The following LAMA2 variants were observed in gnomAD, a reference collection of about 807,000 sequenced individuals.
LAMA2 encodes the protein laminin subunit alpha 2, also known as laminin subunit alpha-2.
A neutral mutation model predicts 364.8 loss-of-function variants in LAMA2; 269 were observed. The observed-to-expected ratio is 0.74, with a 90% CI of 0.67 to 0.82. The LOEUF is 0.82. LAMA2 is among the 40% of genes least tolerant of loss of function. The pLI is 0.00. For missense variants in LAMA2, 3,807 were observed against 3,873.2 expected, an observed-to-expected ratio of 0.98 and a Z score of 0.45; for synonymous variants, 1,379 against 1,370.6, an observed-to-expected ratio of 1.01 and a Z score of -0.14.
intron 12 of LAMA2, among the ~76,000 whole-genome samples, chr6:129,241,598 G>A (rs1785397745): frequency 2.0e-5 from 3 of 152,092 alleles, no homozygotes; most frequent in African/African-American, 7.2e-5. Flanking sequence ...ACTTTCCCAA[G>A]GGCCTTGTAG....
intron 40 of LAMA2, among the ~76,000 whole-genome samples, chr6:129,406,865 C>T (rs1030211121): frequency 6.6e-6 from 1 of 152,120 alleles, no homozygotes; most frequent in African/African-American, 2.4e-5. Flanking sequence ...GCAGGGAAGC[C>T]AGCCCGAGTC....
intron 51 of LAMA2, among the ~76,000 whole-genome samples, chr6:129,469,647 C>T (rs1783712255): frequency 6.6e-6 from 1 of 151,786 alleles, no homozygotes; most frequent in Non-Finnish European, 1.5e-5. Flanking sequence ...TACCAAAATG[C>T]TCACATTACT....
chr6:129,345,653 T>C (rs1776503385), intron 30 of LAMA2, among the ~76,000 whole-genome samples: 1 of 152,226 alleles, frequency 6.6e-6, no homozygotes, highest in Admixed American at 6.5e-5. Flanking sequence ...TACACTTTTT[T>C]ATATCATAAG....
At position 129,503,166 on chromosome 6, in the gene LAMA2, T is replaced by G. The variant is rs777400727; in HGVS notation, c.8433T>G (p.Ala2811=). The change falls in exon 60 of 65, where the codon GCT becomes GCG. Residue 2811 remains alanine (A), a synonymous_variant. Transcript: ENST00000421865. ...LLFYMARINH[A]DFATVQLRNG... ...TTTACATGGCTCGCATCAATCATGC[T>G]GATTTTGCAACAGTTCAGCTGAGAA... The G allele has an allele frequency of 5.6e-6, 9 of 1,614,104 alleles. No homozygotes were observed. Among genetic ancestry groups the G allele is most frequent in the Non-Finnish European group, 7.6e-6 (9 of 1,180,022 alleles).
chr6:129,263,139 G>A (rs925592548), intron 15 of LAMA2, among the ~76,000 whole-genome samples: 5 of 152,032 alleles, frequency 3.3e-5, no homozygotes, highest in African/African-American at 1.2e-4. Context: ...TCATAGAATT[G>A]TTTGTTTGTT....
chr6:129,371,476 C>T (rs1778073072), intron 34 of LAMA2, among the ~76,000 whole-genome samples: 1 of 151,958 alleles, frequency 6.6e-6, no homozygotes, highest in African/African-American at 2.4e-5. Flanking sequence ...TTAACTAATA[C>T]TTTTTGGGAG....
intron 10 of LAMA2, among the ~76,000 whole-genome samples, chr6:129,179,098 A>G (rs1042767367): frequency 1.3e-5 from 2 of 151,922 alleles, no homozygotes; most frequent in African/African-American, 4.8e-5. Context: ...GAGTTGACCA[A>G]GATTGTGTAG....
chr6:129,122,325 A>G (rs1776847217), intron 4 of LAMA2, among the ~76,000 whole-genome samples: 1 of 152,186 alleles, frequency 6.6e-6, no homozygotes, highest in Admixed American at 6.5e-5. Context: ...CACCACCAGC[A>G]TAGACATTTT....
chr6:128,977,956 G>A (rs568274163), intron 1 of LAMA2, among the ~76,000 whole-genome samples: 1 of 152,090 alleles, frequency 6.6e-6, no homozygotes, highest in South Asian at 2.1e-4. Flanking sequence ...TTCTAGCTAA[G>A]TACTTTCAGC....
chr6:129,469,290 G>A (rs946550530), intron 51 of LAMA2, among the ~76,000 whole-genome samples: 13 of 151,908 alleles, frequency 8.6e-5, no homozygotes, highest in African/African-American at 2.9e-4. Flanking sequence ...TGAAGACAAA[G>A]CGAACAATTG....
rs2114493896 is a variant in LAMA2 at position 129,312,890 on chromosome 6, G to A, written c.3204G>A (p.Leu1068=). ...KACNCSTVGS[L]DFQCNVNTGQ... is the part of the protein sequence containing the mutation. ...GTAACTGCAGCACAGTGGGATCCTT[G>A]GATTTCCAATGCAATGTAAATACAG... The change falls in exon 23 of 65, where the codon TTG becomes TTA. Residue 1068 remains leucine (L), a synonymous_variant. Transcript: ENST00000421865. 6.2e-7 allele frequency: 1 copy of A among 1,614,014 alleles called. No individual in the cohort carries two copies. The highest frequency in any genetic ancestry group is 8.5e-7 in the Non-Finnish European group (1 of 1,179,952).
intron 32 of LAMA2, among the ~76,000 whole-genome samples, chr6:129,357,520 A>T (rs1777215390): frequency 6.6e-6 from 1 of 152,048 alleles, no homozygotes. Context: ...ATATTTATTT[A>T]AAATAAAACA....
chr6:129,051,997 A>G (rs1788081781), intron 2 of LAMA2, among the ~76,000 whole-genome samples: 1 of 20,016 alleles, frequency 5.0e-5, no homozygotes, highest in Admixed American at 7.9e-4. Context: ...ATATGTATGC[A>G]GGTATATATA....
chr6:129,305,998 G>GT (rs1308494749), intron 22 of LAMA2, among the ~76,000 whole-genome samples: 1 of 151,656 alleles, frequency 6.6e-6, no homozygotes, highest in Admixed American at 6.6e-5. Context: ...TACATTTAGC[G>GT]TAAGAACCTT....
At chr6:129,061,632 A>G (rs1405357254) in intron 3 of LAMA2, among the ~76,000 whole-genome samples, 1 of 152,172 alleles carries the variant, frequency 6.6e-6, no homozygotes, top group Non-Finnish European at 1.5e-5. Flanking sequence ...CCATTCCCAC[A>G]CAGTATCTTA....
intron 1 of LAMA2, among the ~76,000 whole-genome samples, chr6:128,902,206 C>T (rs566929138): frequency 6.6e-6 from 1 of 152,200 alleles, no homozygotes; most frequent in Non-Finnish European, 1.5e-5. Flanking sequence ...ATGGGGATTA[C>T]AATTTGGATT....
At chr6:129,463,013 A>G (rs1783337057) in intron 49 of LAMA2, among the ~76,000 whole-genome samples, 1 of 152,020 alleles carries the variant, frequency 6.6e-6, no homozygotes, top group South Asian at 2.1e-4. Flanking sequence ...TTAAAAGTGT[A>G]TCTTATTTTT....
chr6:129,459,786 C>G (rs755405308), intron 48 of LAMA2, among the ~76,000 whole-genome samples: 3 of 152,040 alleles, frequency 2.0e-5, no homozygotes, highest in Admixed American at 1.3e-4. Flanking sequence ...ATTTATTGAA[C>G]ACCTTCTGTA....
rs555216916 is a variant in LAMA2, at chr6:129,315,345, G to A, written c.3556-131G>A. 1.9e-5 allele frequency: 15 copies of A among 773,742 alleles called. No homozygotes were observed. The South Asian group carries it at 2.1e-4, about 11-fold the overall frequency. 47.9% of individuals were successfully genotyped at this position (773,742 alleles called of 1,614,324 possible). ...TGCCATGCTTGCCCACTGCGTGTGA[G>A]TTCTGTTGCTTGTGAGAACATCATC... On this transcript the variant is annotated intron_variant, in intron 24 of 64. Transcript: ENST00000421865.
Sources: gnomAD v4.1 joint callset for allele counts (sites outside exome capture counted in the v4.1 genomes callset) on GRCh38, gnomAD v4.1.1 for gene constraint, MANE v1.5 for transcripts, NCBI Gene and HGNC (gene_info 2026-07-23, HGNC 2026-07-21) for gene names.